The following FAF1 variants were observed in gnomAD, a reference collection of about 807,000 sequenced individuals.
FAF1 encodes the protein Fas associated factor 1.
A neutral mutation model predicts 92.5 loss-of-function variants in FAF1; 25 were observed. The observed-to-expected ratio is 0.27, with a 90% CI of 0.20 to 0.38. The LOEUF (loss-of-function observed/expected upper bound fraction) is 0.38, where lower values mean the gene tolerates loss of function less well. Ranked by LOEUF, FAF1 falls within the 10% of genes least tolerant of loss-of-function variation. The pLI is 1.00. For synonymous variants in FAF1, 234 were observed against 273.2 expected (o/e 0.86, Z 1.42); for missense variants, 636 against 793.3 (o/e 0.80, Z 2.38).
chr1:50,727,776 A>G (rs910721897), intron 6 of FAF1, among the ~76,000 whole-genome samples: 2 of 152,228 alleles, frequency 1.3e-5, no homozygotes, highest in African/African-American at 4.8e-5. Flanking sequence ...ATCACCTGCC[A>G]GTGCAGCTAG....
chr1:50,689,852 C>T (rs1251453364), intron 7 of FAF1, among the ~76,000 whole-genome samples: 1 of 152,004 alleles, frequency 6.6e-6, no homozygotes, highest in Non-Finnish European at 1.5e-5. Flanking sequence ...TGAAAATTAG[C>T]CTATGTAGGG....
At chr1:50,561,345 T>C (rs1208384212) in intron 13 of FAF1, among the ~76,000 whole-genome samples, 1 of 152,126 alleles carries the variant, frequency 6.6e-6, no homozygotes, top group African/African-American at 2.4e-5. Context: ...TTTAGTTCAT[T>C]CTGTAAGGAG....
intron 18 of FAF1, chr1:50,471,256 G>A (rs2148996551): frequency 6.6e-6 from 1 of 152,290 alleles, no homozygotes; most frequent in Middle Eastern, 3.4e-3. Flanking sequence ...ATTCTACAAG[G>A]GTGAGATCTA....
At chr1:50,766,791 CAAA>C (rs765570305) in intron 4 of FAF1, among the ~76,000 whole-genome samples, 3 of 61,924 alleles carry the variant, frequency 4.8e-5, no homozygotes, top group East Asian at 6.7e-4. Context: ...AGCAAGCAAG[CAAA>C]AAAAAAAAAA....
At chr1:50,544,383 T>G (rs1044387274) in intron 13 of FAF1, among the ~76,000 whole-genome samples, 1 of 152,150 alleles carries the variant, frequency 6.6e-6, no homozygotes, top group Admixed American at 6.5e-5. Context: ...GAGAAGGTGA[T>G]TCAATAGATT....
intron 17 of FAF1, among the ~76,000 whole-genome samples, chr1:50,484,007 G>A (rs1201455238): frequency 6.6e-6 from 1 of 152,108 alleles, no homozygotes; most frequent in African/African-American, 2.4e-5. Context: ...ATTCAAGTCT[G>A]GAGTTCAGGG....
intron 6 of FAF1, among the ~76,000 whole-genome samples, chr1:50,725,709 G>A (rs1346931938): frequency 3.3e-5 from 5 of 151,924 alleles, no homozygotes; most frequent in African/African-American, 7.2e-5. Flanking sequence ...ACCCTCCTCC[G>A]CCTCCTAAAG....
At chr1:50,776,697 G>T (rs563014647) in intron 4 of FAF1, among the ~76,000 whole-genome samples, 6 of 151,970 alleles carry the variant, frequency 3.9e-5, no homozygotes, top group Admixed American at 3.3e-4. Context: ...AAAATCTGAG[G>T]TAATTTTAAG....
intron 18 of FAF1, among the ~76,000 whole-genome samples, chr1:50,473,824 G>A (rs762766338): frequency 6.6e-6 from 1 of 152,160 alleles, no homozygotes; most frequent in Admixed American, 6.5e-5. Context: ...ACTAGTTTCT[G>A]TCTCTATCCT....
At chr1:50,655,403 A>G in intron 8 of FAF1, 39 bp downstream of exon 8, 1 of 1,296,064 alleles carries the variant, frequency 7.7e-7, no homozygotes. Context: ...GGCAAAAGAG[A>G]AAGGAGGATA....
chr1:50,748,134 A>T lies in FAF1; in HGVS notation c.368-3359T>A, dbSNP rs148911227. 1.1e-4 allele frequency among the ~76,000 whole-genome samples: 17 copies of T among 152,332 alleles called. No individual in the cohort carries two copies. The South Asian group carries it at 3.3e-3, about 30-fold the overall frequency. ...AGCTTTGTGAGAGAAATGAGACTTAAATTAAACTTGAAGTATAGTTGGTCT... is the reference window on the plus strand; with the variant it reads ...AGCTTTGTGAGAGAAATGAGACTTATATTAAACTTGAAGTATAGTTGGTCT... On this transcript the variant is annotated intron_variant, in intron 4 of 18. Coordinates refer to ENST00000396153, the MANE Select transcript of FAF1 (RefSeq NM_007051.3).
intron 18 of FAF1, among the ~76,000 whole-genome samples, chr1:50,471,826 A>C (rs2148996875): frequency 6.6e-6 from 1 of 152,244 alleles, no homozygotes; most frequent in Non-Finnish European, 1.5e-5. Context: ...CCTCTGAGGG[A>C]TGTGGATATG....
At chr1:50,920,621 A>G (rs894225328) in intron 1 of FAF1, among the ~76,000 whole-genome samples, 3 of 152,264 alleles carry the variant, frequency 2.0e-5, no homozygotes, top group Non-Finnish European at 4.4e-5. Context: ...GGTTGGTTTA[A>G]CATTCAGAAA....
chr1:50,717,923 A>G (rs1224073584), intron 6 of FAF1, among the ~76,000 whole-genome samples: 1 of 152,158 alleles, frequency 6.6e-6, no homozygotes, highest in Non-Finnish European at 1.5e-5. Context: ...ATGCCTGAAT[A>G]ATCGAATAGT....
At chr1:50,587,766 T>C (rs1259861195) in intron 9 of FAF1, among the ~76,000 whole-genome samples, 3 of 152,202 alleles carry the variant, frequency 2.0e-5, no homozygotes, top group African/African-American at 7.2e-5. Flanking sequence ...GAGCACCATA[T>C]ATTATACACA....
chr1:50,683,002 C>T (rs374211591), intron 7 of FAF1, among the ~76,000 whole-genome samples: 3 of 152,112 alleles, frequency 2.0e-5, no homozygotes, highest in Middle Eastern at 3.4e-3. Flanking sequence ...CACTACACTC[C>T]AGCCTGGTGA....
chr1:50,802,507 G>A (rs543317046), intron 2 of FAF1, among the ~76,000 whole-genome samples: 2 of 152,272 alleles, frequency 1.3e-5, no homozygotes, highest in South Asian at 2.1e-4. Context: ...TTAGAGGAGA[G>A]GTTTCCTTAT....
chr1:50,787,663 A>G (rs530108259), intron 4 of FAF1, among the ~76,000 whole-genome samples: 2 of 152,348 alleles, frequency 1.3e-5, no homozygotes, highest in African/African-American at 2.4e-5. Flanking sequence ...GATATATCCT[A>G]TGAAAAATGA....
intron 8 of FAF1, among the ~76,000 whole-genome samples, chr1:50,619,296 A>C (rs1169316938): frequency 1.3e-5 from 2 of 152,192 alleles, no homozygotes; most frequent in Non-Finnish European, 2.9e-5. Context: ...GCTGGCTGCT[A>C]TGTAGACCTG....
Sources: gnomAD v4.1 joint callset for allele counts (sites outside exome capture counted in the v4.1 genomes callset) on GRCh38, gnomAD v4.1.1 for gene constraint, MANE v1.5 for transcripts, NCBI Gene and HGNC (gene_info 2026-07-23, HGNC 2026-07-21) for gene names.